Variants in TRPC4AP observed in about 807,000 individuals in gnomAD.
TRPC4AP encodes transient receptor potential cation channel subfamily C member 4 associated protein, also known as short transient receptor potential channel 4-associated protein.
In TRPC4AP, 45 loss-of-function variants were observed where a neutral mutation model predicts 99.0. The observed-to-expected ratio is 0.45, with a 90% CI of 0.36 to 0.58. The LOEUF (loss-of-function observed/expected upper bound fraction) is 0.58, where lower values mean the gene tolerates loss of function less well. Ranked by LOEUF, TRPC4AP falls within the 20% of genes least tolerant of loss-of-function variation. The pLI is 0.00. For missense variants in TRPC4AP, 879 were observed against 985.3 expected (o/e 0.89, Z 1.44); for synonymous variants, 408 against 385.8 (o/e 1.06, Z -0.67).
chr20:35,052,755 T>C (rs2083734589), intron 5 of TRPC4AP, among the ~76,000 whole-genome samples: 1 of 152,142 alleles, frequency 6.6e-6, no homozygotes, highest in Non-Finnish European at 1.5e-5. Context: ...GCCTCCCAAA[T>C]TGCTGGGATT....
intron 1 of TRPC4AP, among the ~76,000 whole-genome samples, chr20:35,083,675 A>G (rs1026836196): frequency 2.6e-5 from 4 of 151,526 alleles, no homozygotes; most frequent in Admixed American, 6.6e-5. Context: ...CAAACTAAAT[A>G]TATGTGTCAG....
intron 3 of TRPC4AP, among the ~76,000 whole-genome samples, chr20:35,064,269 T>G (rs1330314028): frequency 3.3e-5 from 5 of 152,208 alleles, no homozygotes; most frequent in Non-Finnish European, 7.3e-5. Flanking sequence ...GGCCAATACT[T>G]AGGCAGCATG....
chr20:35,037,700 G>C (rs1349704509), intron 7 of TRPC4AP, among the ~76,000 whole-genome samples: 3 of 152,214 alleles, frequency 2.0e-5, no homozygotes, highest in African/African-American at 7.2e-5. Flanking sequence ...GTTATGCACT[G>C]CATTAACGCT....
At chr20:35,037,536 A>ATAGT (rs1385937034) in intron 7 of TRPC4AP, among the ~76,000 whole-genome samples, 1 of 152,164 alleles carries the variant, frequency 6.6e-6, no homozygotes, top group Non-Finnish European at 1.5e-5. Context: ...AACTGAAGGG[A>ATAGT]TAAACAAACT....
At chr20:35,086,463 G>GTATATATA (rs1569157445) in intron 1 of TRPC4AP, among the ~76,000 whole-genome samples, 11 of 125,568 alleles carry the variant, frequency 8.8e-5, no homozygotes, top group African/African-American at 4.2e-4. Context: ...GTGTGTGTGT[G>GTATATATA]TGTGTGTGTG....
chr20:35,075,152 T>C (rs891631236), intron 2 of TRPC4AP, among the ~76,000 whole-genome samples: 10 of 152,144 alleles, frequency 6.6e-5, no homozygotes, highest in Admixed American at 2.0e-4. Context: ...CCTATGTGTG[T>C]CTCTGCATGT....
intron 10 of TRPC4AP, among the ~76,000 whole-genome samples, chr20:35,014,244 C>T (rs114494638): frequency 0.013 from 1,944 of 152,150 alleles, 32 homozygotes; most frequent in African/African-American, 0.044. Flanking sequence ...AGCCCCCTCC[C>T]TGCCTGGAGT....
chr20:35,091,473 T>C (rs534419564), intron 1 of TRPC4AP, among the ~76,000 whole-genome samples: 10 of 152,304 alleles, frequency 6.6e-5, no homozygotes, highest in Non-Finnish European at 1.3e-4. Flanking sequence ...AAAGTTACAC[T>C]GTGAAAAGTC....
chr20:35,086,505 ATATGTGTGTGTGTGTATATATGTGTGTG>A (rs2084869096), intron 1 of TRPC4AP, among the ~76,000 whole-genome samples: 1 of 46,652 alleles, frequency 2.1e-5, no homozygotes, highest in Non-Finnish European at 5.2e-5. Flanking sequence ...ATGTGTATAT[ATATGTGTGTGTGTGTATATATGTGTGTG>A]TGTGTGTGTG....
At chr20:35,017,229 T>G (rs1374919949) in intron 9 of TRPC4AP, among the ~76,000 whole-genome samples, 1 of 152,152 alleles carries the variant, frequency 6.6e-6, no homozygotes, top group Non-Finnish European at 1.5e-5. Context: ...TGCCGAGAGA[T>G]AATACTGGGA....
rs905404821 is a variant in TRPC4AP at position 35,003,024 on chromosome 20, G to C, written c.*122C>G. ...CTAGGACTTCCCTCCCACCAAGCCT[G>C]TACCCAAAGACCTGGGGCAGGCAGA... On this transcript the variant is annotated 3_prime_UTR_variant, in exon 19 of 19. Coordinates refer to ENST00000252015, the MANE Select transcript of TRPC4AP (RefSeq NM_015638.3). 3.5e-6 allele frequency: 5 copies of C among 1,416,326 alleles called. No homozygotes were observed. The African/African-American group carries it at 7.1e-5, about 20-fold the overall frequency. 87.7% of individuals were successfully genotyped at this position (1,416,326 alleles called of 1,614,324 possible).
At chr20:35,089,411 T>G (rs2084977881) in intron 1 of TRPC4AP, among the ~76,000 whole-genome samples, 1 of 151,002 alleles carries the variant, frequency 6.6e-6, no homozygotes, top group South Asian at 2.1e-4. Context: ...TTTTTTTTTT[T>G]TTGTAGTAGA....
intron 5 of TRPC4AP, among the ~76,000 whole-genome samples, chr20:35,050,880 C>T (rs947335724): frequency 6.6e-6 from 1 of 151,920 alleles, no homozygotes; most frequent in Non-Finnish European, 1.5e-5. Flanking sequence ...ACCTGTAATC[C>T]CAGCTACCCC....
chr20:35,091,810 C>T (rs1569163064), intron 1 of TRPC4AP, among the ~76,000 whole-genome samples: 1 of 152,098 alleles, frequency 6.6e-6, no homozygotes, highest in Non-Finnish European at 1.5e-5. Flanking sequence ...TAATGCTTTA[C>T]ACAATTGCCC....
intron 7 of TRPC4AP, among the ~76,000 whole-genome samples, chr20:35,044,137 T>C (rs2083501462): frequency 6.6e-6 from 1 of 152,006 alleles, no homozygotes; most frequent in Non-Finnish European, 1.5e-5. Flanking sequence ...ACACCTGTAA[T>C]TCTAGCACTT....
chr20:35,019,758 G>A (rs2082843237), intron 9 of TRPC4AP, among the ~76,000 whole-genome samples: 1 of 152,136 alleles, frequency 6.6e-6, no homozygotes, highest in Non-Finnish European at 1.5e-5. Flanking sequence ...CGTATTGAAG[G>A]AAGGGACACC....
At chr20:35,008,622 TG>T (rs1205884666) in intron 13 of TRPC4AP, 41 bp downstream of exon 13, 2 of 1,582,138 alleles carry the variant, frequency 1.3e-6, no homozygotes, top group South Asian at 2.3e-5. Flanking sequence ...CACCTGGCTC[TG>T]CAGCCCCGCA....
chr20:35,029,043 T>C (rs2083101160), intron 8 of TRPC4AP, among the ~76,000 whole-genome samples: 1 of 152,156 alleles, frequency 6.6e-6, no homozygotes, highest in African/African-American at 2.4e-5. Flanking sequence ...CCTGAGGCCA[T>C]CTGAGACCAA....
intron 8 of TRPC4AP, among the ~76,000 whole-genome samples, chr20:35,025,158 A>C (rs1425200331): frequency 1.3e-5 from 2 of 152,104 alleles, no homozygotes; most frequent in Non-Finnish European, 2.9e-5. Context: ...TTTTTTGATG[A>C]TAACCATTCT....
Sources: allele counts gnomAD v4.1 joint callset (sites outside exome capture counted in the v4.1 genomes callset), GRCh38; gene constraint gnomAD v4.1.1; transcripts MANE v1.5; gene names NCBI Gene and HGNC (gene_info 2026-07-23, HGNC 2026-07-21).